ZP2: variants seen among roughly 807,000 people sequenced by gnomAD.
The protein encoded by ZP2 is zona pellucida glycoprotein 2.
ZP2 carries 51 observed loss-of-function variants against 84.0 expected under a neutral mutation model. The observed-to-expected ratio is 0.61, with a 90% CI of 0.49 to 0.77. The LOEUF is 0.77. Among genes scored for constraint, ZP2 ranks in the 30% least tolerant of loss-of-function variants. The pLI, the probability that ZP2 is intolerant of heterozygous loss-of-function variation, is 0.00. For synonymous variants in ZP2, 375 were observed against 330.9 expected (o/e 1.13, Z -1.45); for missense variants, 909 against 911.9 (o/e 1.00, Z 0.04).
intron 15 of ZP2, 36 bp downstream of exon 15, chr16:21,199,707 A>G (rs1256490840): frequency 1.4e-5 from 23 of 1,613,630 alleles, no homozygotes; most frequent in Non-Finnish European, 1.6e-5. Flanking sequence ...ATGCACTAAC[A>G]TTTAACCTGT....
chr16:21,205,795 A>T lies in ZP2; in HGVS notation c.484-20T>A, dbSNP rs752153381. 6.2e-7 allele frequency: 1 copy of T among 1,613,366 alleles called. No individual in the cohort carries two copies. On this transcript the variant is annotated intron_variant, in intron 5 of 18. Coordinates refer to ENST00000574091, the MANE Select transcript of ZP2 (RefSeq NM_001376232.1). ...GGAAAACTGGAAGAAAAGAATTGTG[A>T]TGTAAGACTTTGATTTGGAGGTAGA...
chr16:21,209,738 G>C lies in ZP2; in HGVS notation c.236-13C>G, dbSNP rs1031635549. Reference sequence around the variant, plus strand: ...AGACCAAGAGGATCTGCCAAGGCCAGAGCAGGTTAGACAGGATGGCTGAGT... The same window carrying C: ...AGACCAAGAGGATCTGCCAAGGCCACAGCAGGTTAGACAGGATGGCTGAGT... On this transcript the variant is annotated splice_polypyrimidine_tract_variant and intron_variant, in intron 3 of 18. Transcript: ENST00000574091. 2.5e-6 allele frequency: 4 copies of C among 1,613,224 alleles called. No individual in the cohort carries two copies. In the African/African-American group the frequency reaches 4.0e-5, roughly 16 times the overall value.
chr16:21,213,422 T>C (rs2093281848), upstream of ZP2, among the ~76,000 whole-genome samples: 1 of 152,234 alleles, frequency 6.6e-6, no homozygotes, highest in African/African-American at 2.4e-5. Context: ...TGTGTTGCCT[T>C]TGAGGTGTAA....
chr16:21,202,992 C>T, intron 10 of ZP2, 133 bp downstream of exon 10: 10 of 1,106,524 alleles, frequency 9.0e-6, no homozygotes, highest in Non-Finnish European at 1.2e-5. Context: ...TACACTGTTT[C>T]TAATCTGACT....
chr16:21,211,279 G>A (rs1438461244), intron 2 of ZP2, 28 bp downstream of exon 2: 6 of 1,606,244 alleles, frequency 3.7e-6, no homozygotes, highest in African/African-American at 1.3e-5. Flanking sequence ...TCTCTGCTAA[G>A]AAGACTTCTG....
Position 21,206,863 on chromosome 16 carries a change from G to T in ZP2, c.458C>A (p.Thr153Lys), listed in dbSNP as rs1164528110. 2.5e-6 allele frequency: 4 copies of T among 1,614,148 alleles called. No homozygotes were observed. In the South Asian group the frequency reaches 4.4e-5, roughly 18 times the overall value. ...VEETQGLSAS[T>K]ICQKDFMSFS... ...AGACATGAAATCCTTCTGGCAGATT[G>T]TAGATGCTGAAAGCCCCTGGGTCTC... The change falls in exon 5 of 19, where the codon ACA becomes AAA. Residue 153 changes from threonine to lysine, a missense_variant. By Grantham distance (78) the Thr-to-Lys change is moderately conservative. Transcript: ENST00000574091.
chr16:21,202,339 A>C (rs2093230237), intron 10 of ZP2, 48 bp from the exon 11 acceptor site: 2 of 1,455,334 alleles, frequency 1.4e-6, no homozygotes, highest in Non-Finnish European at 1.8e-6. Flanking sequence ...CTGCCCTGTG[A>C]TACTGTCATC....
At chr16:21,203,006 C>T in intron 10 of ZP2, 119 bp downstream of exon 10, 3 of 1,243,336 alleles carry the variant, frequency 2.4e-6, no homozygotes, top group South Asian at 3.4e-5. Context: ...TCTGACTAGT[C>T]TTTAGTTTCT....
chr16:21,211,164 G>C (rs909584171), intron 2 of ZP2, 143 bp downstream of exon 2: 3 of 722,914 alleles, frequency 4.1e-6, no homozygotes, highest in East Asian at 2.5e-5. Flanking sequence ...GTTAGCAGAA[G>C]AAAGATCCAG....
At chr16:21,211,671 A>T (rs1428451477), upstream of ZP2, 1 of 1,577,430 alleles carries the variant, frequency 6.3e-7, no homozygotes. Flanking sequence ...CCATTCTCCC[A>T]GCTGAAACGG....
In ZP2 at chr16:21,201,544, G is replaced by T; in HGVS notation, c.1519C>A (p.Gln507Lys). ...LQSYPDNSYQ[Q>K]PYGENEYPLV... Reference sequence around the variant, plus strand: ...GGGTACTCGTTTTCCCCATAAGGTTGTTGGTAGGAATTATCTGAAATTGAA... The same window carrying T: ...GGGTACTCGTTTTCCCCATAAGGTTTTTGGTAGGAATTATCTGAAATTGAA... The change falls in exon 14 of 19, where the codon CAA becomes AAA. Residue 507 changes from glutamine to lysine, a missense_variant. Transcript: ENST00000574091. 6.2e-7 allele frequency: 1 copy of T among 1,608,256 alleles called. No homozygotes were observed. Among genetic ancestry groups the T allele is most frequent in the Non-Finnish European group, 8.5e-7 (1 of 1,176,912 alleles).
chr16:21,205,398 A>G, intron 7 of ZP2, 22 bp downstream of exon 7: 1 of 1,611,802 alleles, frequency 6.2e-7, no homozygotes, highest in Non-Finnish European at 8.5e-7. Flanking sequence ...TTGGTGGTAC[A>G]AAGCCAGACT....
rs1360746428 is a variant in ZP2, at chr16:21,203,093, G to A, written c.1099+32C>T. On this transcript the variant is annotated intron_variant, in intron 10 of 18. Transcript: ENST00000574091. ...TGTACAAGAGCCAAGGGAGAAAAAA[G>A]GTAGAACATGATTTTAATAAAAGGT... The A allele has an allele frequency of 3.1e-6, 5 of 1,604,706 alleles. No individual in the cohort carries two copies. In the Admixed American group the frequency reaches 5.1e-5, roughly 16 times the overall value.
Position 21,210,192 on chromosome 16 carries a change from C to T in ZP2, c.152G>A (p.Gly51Asp), listed in dbSNP as rs1259253046. ...TTCCCTTTCATCGCAAGTGACAGTG[C>T]CTAAGGAGCAAAGGAAGCATTTGGG... ...VSQLVNPAFPGTVTCDEREIT... is the reference protein window; with the variant it reads ...VSQLVNPAFPDTVTCDEREIT... The change falls in exon 3 of 19, where the codon GGC becomes GAC. Residue 51 changes from glycine to aspartate, a missense_variant and splice_region_variant. By Grantham distance (94) the Gly-to-Asp change is moderately conservative (BLOSUM62 -1). Coordinates refer to ENST00000574091, the MANE Select transcript of ZP2 (RefSeq NM_001376232.1). 5.0e-6 allele frequency: 8 copies of T among 1,613,670 alleles called. No homozygotes were observed. Among genetic ancestry groups the T allele is most frequent in the Non-Finnish European group, 6.8e-6 (8 of 1,179,824 alleles).
At chr16:21,211,592 CTG>C (rs1199542659), upstream of ZP2, 4 of 1,613,588 alleles carry the variant, frequency 2.5e-6, no homozygotes, top group East Asian at 6.7e-5. Context: ...GTAGGCTGCT[CTG>C]TGTTTTTATA....
intron 8 of ZP2, 31 bp from the exon 9 acceptor site, chr16:21,204,242 C>T: frequency 1.2e-6 from 2 of 1,613,966 alleles, no homozygotes; most frequent in South Asian, 1.1e-5. Context: ...ATGCCCATTA[C>T]CAGCCTTGAT....
intron 6 of ZP2, 64 bp from the exon 7 acceptor site, chr16:21,205,648 C>A: frequency 6.2e-7 from 1 of 1,611,996 alleles, no homozygotes; most frequent in Non-Finnish European, 8.5e-7. Context: ...GGTAGTCTAA[C>A]AATTTATCAG....
chr16:21,210,332 A>C lies in ZP2; in HGVS notation c.152-140T>G, dbSNP rs536873319. Reference sequence around the variant, plus strand: ...TCCCCTACCCTGGGAGAGCTCACAAACAAGTGACCAAGACAACAATACAAT... The same window carrying C: ...TCCCCTACCCTGGGAGAGCTCACAACCAAGTGACCAAGACAACAATACAAT... On this transcript the variant is annotated intron_variant, in intron 2 of 18. Transcript: ENST00000574091. The C allele has an allele frequency of 1.4e-5, 9 of 665,582 alleles. No homozygotes were observed. In the East Asian group the frequency reaches 1.6e-4, roughly 12 times the overall value. The allele number at this position is 665,582 out of a possible 1,614,324, so 41.2% of individuals were successfully genotyped here. A position where few individuals can be genotyped will look rare whatever the true frequency, so the allele number is the denominator to read the frequency against.
chr16:21,197,832 G>C lies in ZP2; in HGVS notation c.2029C>G (p.Leu677Val), dbSNP rs1221355508. 4.3e-6 allele frequency: 7 copies of C among 1,614,128 alleles called. No individual in the cohort carries two copies. Among genetic ancestry groups the C allele is most frequent in the Non-Finnish European group, 5.1e-6 (6 of 1,180,010 alleles). Residue 677 changes from leucine to valine, a missense_variant, in exon 18 of 19, where the codon CTA becomes GTA. By Grantham distance (32) the Leu-to-Val change is conservative. Coordinates refer to ENST00000574091, the MANE Select transcript of ZP2 (RefSeq NM_001376232.1). ...TCCCCACTGCTCCCACTTGCTTTTA[G>C]ATCAGATGAGCCGACACCTGGGAAG... Reference protein sequence around the residue: ...SSFRGVGSSDLKASGSSGEKS... With the variant: ...SSFRGVGSSDVKASGSSGEKS...
Sources: gnomAD v4.1 joint callset for allele counts (sites outside exome capture counted in the v4.1 genomes callset) on GRCh38, gnomAD v4.1.1 for gene constraint, MANE v1.5 for transcripts, NCBI Gene and HGNC (gene_info 2026-07-23, HGNC 2026-07-21) for gene names.